Variants in ZBED6 observed in about 807,000 individuals in gnomAD.
The protein encoded by ZBED6 is zinc finger BED-type containing 6, also known as zinc finger BED domain-containing protein 6.
A neutral mutation model predicts 58.4 loss-of-function variants in ZBED6; 40 were observed. The observed-to-expected ratio is 0.68, with a 90% CI of 0.53 to 0.89. ZBED6 has a LOEUF of 0.89. ZBED6 is among the 40% of genes least tolerant of loss of function. The probability of loss-of-function intolerance (pLI) is 0.00; values close to 1 mark genes in which losing one functional copy is unlikely to be tolerated. For synonymous variants in ZBED6, 439 were observed against 350.6 expected (o/e 1.25, Z -2.82); for missense variants, 1,057 against 1,003.9 (o/e 1.05, Z -0.71).
chr1:203,797,698 C>T (rs1169614018), exon 1 of ZBED6: 6 of 1,535,038 alleles, frequency 3.9e-6, no homozygotes, highest in East Asian at 2.4e-5. Flanking sequence ...GCAAAACAGC[C>T]TGCTAAAAAG....
intron 3 of ZBED6, among the ~76,000 whole-genome samples, chr1:203,823,963 A>G (rs1416765444): frequency 2.0e-5 from 3 of 148,686 alleles, no homozygotes; most frequent in Admixed American, 6.6e-5. Context: ...GTGAAGAGCA[A>G]GGTGGGTTAA....
At chr1:203,843,606 G>A (rs1687084051) in intron 11 of ZBED6, among the ~76,000 whole-genome samples, 1 of 152,164 alleles carries the variant, frequency 6.6e-6, no homozygotes, top group African/African-American at 2.4e-5. Flanking sequence ...AATGAAAGCA[G>A]CCATATGCAT....
At chr1:203,850,473 GTC>G (rs759594723) in intron 14 of ZBED6, 40 bp from the exon 15 acceptor site, 22 of 1,609,468 alleles carry the variant, frequency 1.4e-5, no homozygotes, top group Admixed American at 3.3e-5. Context: ...ATTTAAAAGA[GTC>G]TATTCTCACT....
chr1:203,798,874 A>G (rs1343428808), exon 1 of ZBED6: 1 of 1,536,154 alleles, frequency 6.5e-7, no homozygotes, highest in South Asian at 1.2e-5. Flanking sequence ...TCAGAGACTT[A>G]CTTTTTCACT....
At chr1:203,807,385 A>G (rs1186175568) in intron 1 of ZBED6, among the ~76,000 whole-genome samples, 1 of 152,186 alleles carries the variant, frequency 6.6e-6, no homozygotes, top group Non-Finnish European at 1.5e-5. Context: ...TCCTGGGCTC[A>G]AGGCTTCCTC....
intron 3 of ZBED6, among the ~76,000 whole-genome samples, chr1:203,823,897 A>G (rs1034544711): frequency 1.3e-5 from 2 of 152,198 alleles, no homozygotes; most frequent in African/African-American, 4.8e-5. Flanking sequence ...TTAAAGGGGA[A>G]ACTAATTTAT....
chr1:203,845,430 A>G (rs888186211), intron 11 of ZBED6, among the ~76,000 whole-genome samples: 7 of 152,190 alleles, frequency 4.6e-5, no homozygotes, highest in Non-Finnish European at 8.8e-5. Context: ...TTCCTTTGCA[A>G]TATTACAGGT....
Position 203,830,000 on chromosome 1 carries a change from CATACTTACCT to C in ZBED6, c.*3318+112_*3319-106del, listed in dbSNP as rs992715514. ...CCTCTTCTTTTTCCCATGCTACACG[CATACTTACCT>C]ATACTTAGTTTCTGTTGATCATTTA... On this transcript the variant is annotated intron_variant, in intron 6 of 16. Transcript: ENST00000550078. The C allele has an allele frequency of 8.4e-6, 11 of 1,305,364 alleles. 1 individual carries two copies. The allele number at this position is 1,305,364 out of a possible 1,614,324, so 80.9% of individuals were successfully genotyped here. A position where few individuals can be genotyped will look rare whatever the true frequency, so the allele number is the denominator to read the frequency against.
At chr1:203,830,166 G>A in exon 7 of ZBED6, 1 of 1,599,030 alleles carries the variant, frequency 6.3e-7, no homozygotes, top group Non-Finnish European at 8.5e-7. Context: ...AGGAAATTAA[G>A]TCAAAGAAAA....
chr1:203,847,134 T>G, intron 11 of ZBED6, 50 bp from the exon 12 acceptor site: 2 of 1,593,988 alleles, frequency 1.3e-6, no homozygotes, highest in Non-Finnish European at 8.5e-7. Flanking sequence ...CATAAGTCAG[T>G]AAGAGATGAA....
At chr1:203,821,938 T>C (rs1678878758) in intron 3 of ZBED6, among the ~76,000 whole-genome samples, 1 of 152,058 alleles carries the variant, frequency 6.6e-6, no homozygotes, top group Admixed American at 6.5e-5. Context: ...TTTGTACTTT[T>C]AGTAGAGATG....
chr1:203,849,804 A>G, exon 14 of ZBED6: 1 of 1,613,942 alleles, frequency 6.2e-7, no homozygotes, highest in Non-Finnish European at 8.5e-7. Context: ...ACAGCAGGAG[A>G]GGGAAAAATC....
At chr1:203,804,482 C>G (rs997532007) in intron 1 of ZBED6, among the ~76,000 whole-genome samples, 4 of 151,910 alleles carry the variant, frequency 2.6e-5, no homozygotes, top group African/African-American at 7.3e-5. Flanking sequence ...TGTGAATGGT[C>G]TCTTCCTGTA....
chr1:203,806,084 G>T (rs988872479), intron 1 of ZBED6: 12 of 505,346 alleles, frequency 2.4e-5, no homozygotes, highest in South Asian at 1.7e-4. Flanking sequence ...AAGGCTTTCT[G>T]CGTAATCATA....
chr1:203,833,344 G>T (rs970277868), intron 8 of ZBED6, among the ~76,000 whole-genome samples: 5 of 137,572 alleles, frequency 3.6e-5, no homozygotes, highest in Non-Finnish European at 1.5e-5. Context: ...TAGCCTGGGC[G>T]ACAGAGTGAG....
At chr1:203,805,773 C>A in intron 1 of ZBED6, 1 of 693,630 alleles carries the variant, frequency 1.4e-6, no homozygotes, top group Non-Finnish European at 2.7e-6. Flanking sequence ...CCAGTGTATC[C>A]AACTCTGCTT....
At chr1:203,805,844 C>A in intron 1 of ZBED6, 1 of 907,018 alleles carries the variant, frequency 1.1e-6, no homozygotes, top group Admixed American at 1.8e-5. Context: ...TCTTGGATTT[C>A]ATTTGCATCT....
At chr1:203,806,421 C>G (rs1407101767) in intron 1 of ZBED6, among the ~76,000 whole-genome samples, 1 of 152,120 alleles carries the variant, frequency 6.6e-6, no homozygotes, top group East Asian at 1.9e-4. Context: ...CCTGCCTCAG[C>G]CTGCTGAGTA....
intron 1 of ZBED6, among the ~76,000 whole-genome samples, chr1:203,803,567 C>A (rs143707535): frequency 0.011 from 1,628 of 152,240 alleles, 15 homozygotes; most frequent in Non-Finnish European, 0.016. Flanking sequence ...AAAGTGAAAT[C>A]TTCCTGTAAT....
Sources: allele counts gnomAD v4.1 joint callset (sites outside exome capture counted in the v4.1 genomes callset), GRCh38; gene constraint gnomAD v4.1.1; transcripts MANE v1.5; gene names NCBI Gene and HGNC (gene_info 2026-07-23, HGNC 2026-07-21).